The following EPM2A variants were observed in gnomAD, a reference collection of about 807,000 sequenced individuals.
EPM2A encodes laforin.
A neutral mutation model predicts 26.5 loss-of-function variants in EPM2A; 21 were observed. That is an observed-to-expected ratio of 0.79 (90% confidence interval 0.56 to 1.14). The LOEUF is 1.14. Among genes scored for constraint, EPM2A ranks in the 50% most tolerant of loss-of-function variants. EPM2A has a pLI of 0.00. For synonymous variants in EPM2A, 217 were observed against 177.6 expected, an observed-to-expected ratio of 1.22 and a Z score of -1.76; for missense variants, 458 against 440.8, an observed-to-expected ratio of 1.04 and a Z score of -0.35.
chr6:145,727,733 AG>A (rs1776282602), intron 1 of EPM2A, among the ~76,000 whole-genome samples: 1 of 152,230 alleles, frequency 6.6e-6, no homozygotes, highest in Admixed American at 6.5e-5. Flanking sequence ...ATGCATTGTT[AG>A]CTGCCTACCT....
At chr6:145,518,041 G>C (rs1780153386) in intron 2 of EPM2A, among the ~76,000 whole-genome samples, 1 of 152,108 alleles carries the variant, frequency 6.6e-6, no homozygotes, top group South Asian at 2.1e-4. Context: ...TAGCCATAAA[G>C]CCTATAAACT....
At chr6:145,614,338 A>G (rs1235568200) in intron 2 of EPM2A, among the ~76,000 whole-genome samples, 1 of 152,222 alleles carries the variant, frequency 6.6e-6, no homozygotes, top group Non-Finnish European at 1.5e-5. Context: ...CTAGACCACT[A>G]AAACTTTCTC....
At chr6:145,730,942 A>C (rs1469981946) in intron 1 of EPM2A, among the ~76,000 whole-genome samples, 2 of 152,180 alleles carry the variant, frequency 1.3e-5, no homozygotes, top group African/African-American at 2.4e-5. Flanking sequence ...CCCATCACCA[A>C]CATGGAATAA....
intron 1 of EPM2A, among the ~76,000 whole-genome samples, chr6:145,692,418 A>T (rs1781334882): frequency 6.6e-6 from 1 of 152,096 alleles, no homozygotes; most frequent in African/African-American, 2.4e-5. Context: ...CACATGTTCA[A>T]CAGTACATAA....
intron 2 of EPM2A, chr6:145,671,290 T>C (rs1779620902): frequency 9.6e-7 from 1 of 1,046,018 alleles, no homozygotes. Context: ...TTTCCAAATA[T>C]AGCTGCTGTA....
At chr6:145,523,505 C>T (rs1161714024) in intron 2 of EPM2A, among the ~76,000 whole-genome samples, 1 of 152,054 alleles carries the variant, frequency 6.6e-6, no homozygotes, top group Non-Finnish European at 1.5e-5. Context: ...GTTATGATGA[C>T]CTGAGATCAG....
intron 4 of EPM2A, among the ~76,000 whole-genome samples, chr6:145,457,982 T>C (rs1779282922): frequency 6.6e-6 from 1 of 152,234 alleles, no homozygotes; most frequent in Non-Finnish European, 1.5e-5. Context: ...ATGCCTTTCA[T>C]ATAAAATGAA....
intron 2 of EPM2A, among the ~76,000 whole-genome samples, chr6:145,554,703 C>T (rs888564562): frequency 6.6e-6 from 1 of 152,092 alleles, no homozygotes; most frequent in Admixed American, 6.6e-5. Flanking sequence ...ATGTGCTCCT[C>T]ATATAGCCAC....
At chr6:145,671,893 T>C (rs2128600005) in intron 2 of EPM2A, among the ~76,000 whole-genome samples, 1 of 152,332 alleles carries the variant, frequency 6.6e-6, no homozygotes, top group African/African-American at 2.4e-5. Context: ...TGAAGTGTGA[T>C]GTTCATAAAA....
chr6:145,459,841 T>C lies in EPM2A; in HGVS notation c.555+42681A>G, dbSNP rs1408040652. Among the ~76,000 whole-genome samples the C allele has an allele frequency of 2.0e-5, 3 of 152,178 alleles. No individual in the cohort carries two copies. In the East Asian group the frequency reaches 5.8e-4, roughly 29 times the overall value. On this transcript the variant is annotated intron_variant, in intron 4 of 4. Coordinates refer to the EPM2A transcript ENST00000638717. ...AGAAAACCTTTTTCATCCTTTATAA[T>C]CTACTTTAGGAAGTGGTTTCCATAA...
At chr6:145,496,681 G>A (rs1247172562), downstream of EPM2A, among the ~76,000 whole-genome samples, 1 of 151,184 alleles carries the variant, frequency 6.6e-6, no homozygotes, top group African/African-American at 2.4e-5. Flanking sequence ...CTATCAGATG[G>A]GTTACGTTCT....
chr6:145,606,079 A>G (rs1196703834), intron 2 of EPM2A, among the ~76,000 whole-genome samples: 1 of 152,176 alleles, frequency 6.6e-6, no homozygotes, highest in East Asian at 1.9e-4. Flanking sequence ...TTAAATTATT[A>G]TGCAATTTCA....
chr6:145,393,706 T>C (rs1778367507), intron 4 of EPM2A, among the ~76,000 whole-genome samples: 1 of 152,112 alleles, frequency 6.6e-6, no homozygotes, highest in African/African-American at 2.4e-5. Flanking sequence ...GGGTTTTTGG[T>C]GGGGGCTGAC....
intron 4 of EPM2A, among the ~76,000 whole-genome samples, chr6:145,447,088 G>C (rs1205817369): frequency 6.6e-6 from 1 of 152,046 alleles, no homozygotes; most frequent in African/African-American, 2.4e-5. Flanking sequence ...ATGGTACTGA[G>C]AGCAAGAACT....
At chr6:145,698,419 A>G (rs1457749897) in intron 1 of EPM2A, among the ~76,000 whole-genome samples, 2 of 152,166 alleles carry the variant, frequency 1.3e-5, no homozygotes, top group African/African-American at 4.8e-5. Flanking sequence ...CCAAGCCTCC[A>G]GTGGGGATCT....
At chr6:145,730,058 T>C (rs1313158219) in intron 1 of EPM2A, among the ~76,000 whole-genome samples, 1 of 152,196 alleles carries the variant, frequency 6.6e-6, no homozygotes, top group African/African-American at 2.4e-5. Context: ...ATGCAGATCG[T>C]CCCTGCTTCC....
intron 3 of EPM2A, chr6:145,630,880 C>A (rs1776197331): frequency 6.6e-6 from 1 of 152,208 alleles, no homozygotes; most frequent in South Asian, 2.1e-4. Context: ...AAATTGAGCA[C>A]AGACATTTGC....
chr6:145,474,501 C>T (rs1312621546), intron 4 of EPM2A, among the ~76,000 whole-genome samples: 1 of 151,906 alleles, frequency 6.6e-6, no homozygotes, highest in Non-Finnish European at 1.5e-5. Context: ...AAAAATGAGA[C>T]CTAAAACCAT....
chr6:145,524,492 CATT>C (rs1780244943), intron 2 of EPM2A, among the ~76,000 whole-genome samples: 1 of 152,058 alleles, frequency 6.6e-6, no homozygotes, highest in Non-Finnish European at 1.5e-5. Context: ...GATGGCATCT[CATT>C]ATAGTTTTGA....
Sources: allele counts gnomAD v4.1 joint callset (sites outside exome capture counted in the v4.1 genomes callset), GRCh38; gene constraint gnomAD v4.1.1; transcripts MANE v1.5; gene names NCBI Gene and HGNC (gene_info 2026-07-23, HGNC 2026-07-21).